Variants in FRMPD4 observed in about 807,000 individuals in gnomAD.
FRMPD4 encodes FERM and PDZ domain containing 4.
In FRMPD4, 22 loss-of-function variants were observed where a neutral mutation model predicts 94.1. That is an observed-to-expected ratio of 0.23 (90% CI 0.17 to 0.33). FRMPD4 has a LOEUF of 0.33. Among genes scored for constraint, FRMPD4 ranks in the 10% least tolerant of loss-of-function variants. The pLI is 1.00. For synonymous variants in FRMPD4, 631 were observed against 548.6 expected, an observed-to-expected ratio of 1.15 and a Z score of -2.10; for missense variants, 1,111 against 1,339.9, an observed-to-expected ratio of 0.83 and a Z score of 2.67.
Position 12,710,465 on chromosome X carries a change from C to T in FRMPD4, c.1537C>T (p.Arg513Trp), listed in dbSNP as rs1602359193. The T allele has an allele frequency of 1.7e-6, 2 of 1,201,505 alleles. No individual in the cohort carries two copies. Among genetic ancestry groups the T allele is most frequent in the Non-Finnish European group, 2.3e-6 (2 of 886,582 alleles). The change falls in exon 14 of 17, where the codon CGG (arginine) becomes TGG (tryptophan). Residue 513 changes from arginine (R) to tryptophan (W), a missense_variant. Coordinates refer to ENST00000675598, the MANE Select transcript of FRMPD4 (RefSeq NM_001368397.1). ...NLACLTAGYY[R>W]LLVDSRRSIF... Reference sequence around the variant, plus strand: ...GGCCTGCTTGACGGCTGGATACTACCGGCTGCTTGTTGATTCCAGGAGGTC... The same window carrying T: ...GGCCTGCTTGACGGCTGGATACTACTGGCTGCTTGTTGATTCCAGGAGGTC...
intron 4 of FRMPD4, among the ~76,000 whole-genome samples, chrX:12,642,172 G>C (rs999996817): frequency 9.0e-6 from 1 of 111,701 alleles, no homozygotes; most frequent in Admixed American, 9.6e-5. Context: ...AATGGACCTG[G>C]TCCCTTCCCT....
At chrX:12,632,091 T>C (rs1267324998) in intron 4 of FRMPD4, among the ~76,000 whole-genome samples, 1 of 112,006 alleles carries the variant, frequency 8.9e-6, no homozygotes, top group Non-Finnish European at 1.9e-5. Flanking sequence ...ATGATTTACA[T>C]GTGAACTTGC....
At chrX:12,461,536 A>G (rs1413521229) in intron 1 of FRMPD4, among the ~76,000 whole-genome samples, 1 of 111,932 alleles carries the variant, frequency 8.9e-6, no homozygotes, top group Non-Finnish European at 1.9e-5. Flanking sequence ...ATTCCCTTAA[A>G]TAGCTTTAAA....
chrX:12,483,549 G>A (rs1325227028), intron 1 of FRMPD4, among the ~76,000 whole-genome samples: 1 of 111,972 alleles, frequency 8.9e-6, no homozygotes, highest in African/African-American at 3.2e-5. Flanking sequence ...TGCTAGAATG[G>A]CATTTGGATA....
intron 3 of FRMPD4, among the ~76,000 whole-genome samples, chrX:12,091,264 A>G: frequency 9.0e-6 from 1 of 111,568 alleles, no homozygotes. Flanking sequence ...ATTTTAAAAA[A>G]AAGCAGTCTG....
At chrX:12,186,795 G>T (rs5979535) in intron 1 of FRMPD4, among the ~76,000 whole-genome samples, 1 of 111,673 alleles carries the variant, frequency 9.0e-6, no homozygotes, top group African/African-American at 3.3e-5. Flanking sequence ...CTTTCTGTGG[G>T]TTCCCCTTTG....
chrX:11,908,771 T>C lies in FRMPD4; in HGVS notation c.95+30753T>C, dbSNP rs1453402381. Among the ~76,000 whole-genome samples the C allele has an allele frequency of 7.1e-5, 8 of 112,131 alleles. No individual in the cohort carries two copies. In the East Asian group the frequency reaches 2.2e-3, roughly 31 times the overall value. On this transcript the variant is annotated intron_variant, in intron 3 of 18. Transcript: ENST00000640291. Reference sequence around the variant, plus strand: ...TTGTTGTCAGCCTTTCATCTATTTTTAGGCCCTTGAAATGATTATTGTTAG... The same window carrying C: ...TTGTTGTCAGCCTTTCATCTATTTTCAGGCCCTTGAAATGATTATTGTTAG...
intron 2 of FRMPD4, among the ~76,000 whole-genome samples, chrX:12,553,027 G>A (rs1170385445): frequency 9.0e-6 from 1 of 111,253 alleles, no homozygotes; most frequent in Non-Finnish European, 1.9e-5. Flanking sequence ...GTGGTGGCAT[G>A]AGCCTGTAAT....
intron 3 of FRMPD4, among the ~76,000 whole-genome samples, chrX:12,012,617 A>AAT (rs1322265078): frequency 8.9e-6 from 1 of 112,196 alleles, no homozygotes; most frequent in African/African-American, 3.2e-5. Flanking sequence ...AAGGCCAGAC[A>AAT]ATAGTAAATG....
At chrX:12,262,422 A>G (rs1350472469) in intron 1 of FRMPD4, among the ~76,000 whole-genome samples, 1 of 111,309 alleles carries the variant, frequency 9.0e-6, no homozygotes, top group African/African-American at 3.3e-5. Context: ...CTATACAGAT[A>G]AAGTTTGCCA....
At chrX:11,963,294 A>T (rs1169993661) in intron 3 of FRMPD4, among the ~76,000 whole-genome samples, 1 of 112,409 alleles carries the variant, frequency 8.9e-6, no homozygotes, top group Non-Finnish European at 1.9e-5. Flanking sequence ...GCTCCAACCG[A>T]TGTCTGCTGC....
At chrX:12,436,942 C>A (rs1453253013) in intron 1 of FRMPD4, among the ~76,000 whole-genome samples, 5 of 111,634 alleles carry the variant, frequency 4.5e-5, no homozygotes, top group Admixed American at 2.9e-4. Context: ...TGTCCTAATA[C>A]CTAGATGATT....
chrX:12,346,716 A>G (rs907266553), intron 1 of FRMPD4, among the ~76,000 whole-genome samples: 1 of 111,154 alleles, frequency 9.0e-6, no homozygotes, highest in Non-Finnish European at 1.9e-5. Context: ...TTGCCCCTCT[A>G]TTTGTTGAGG....
chrX:12,526,152 T>G (rs1450879405), intron 2 of FRMPD4, among the ~76,000 whole-genome samples: 1 of 112,180 alleles, frequency 8.9e-6, no homozygotes, highest in Non-Finnish European at 1.9e-5. Flanking sequence ...CAGCACTGAT[T>G]AGCGGTTCCC....
rs892000486 is a variant in FRMPD4 at position 12,314,236 on chromosome X, A to G, written c.41+175224A>G. Among the ~76,000 whole-genome samples the G allele has an allele frequency of 1.8e-4, 20 of 112,630 alleles. 1 individual carries two copies. The highest frequency in any genetic ancestry group is 1.6e-3 in the Admixed American group (17 of 10,639). ...CGTTCAGAGTGAAGAGAGAGGAAAC[A>G]ACTGAGTCAGTTTCACTACAGGTAA... On this transcript the variant is annotated intron_variant, in intron 1 of 16. Transcript: ENST00000675598.
At position 12,716,367 on chromosome X, in the gene FRMPD4, A is replaced by C; in HGVS notation, c.1908A>C (p.Pro636=). ...GGTCCCTATTGACCCTCTCAGGACC[A>C]GAAACTCTGAAGAAAGCACAGGAAT... ...AQRSLLTLSG[P]ETLKKAQESP... is the part of the protein sequence containing the mutation. The change falls in exon 15 of 17, where the codon CCA becomes CCC. Residue 636 remains proline (P), a synonymous_variant. Coordinates refer to ENST00000675598, the MANE Select transcript of FRMPD4 (RefSeq NM_001368397.1). 1 of 1,211,944 alleles carries C rather than the reference A, an allele frequency of 8.3e-7. No individual in the cohort carries two copies. Among genetic ancestry groups the C allele is most frequent in the Non-Finnish European group, 1.1e-6 (1 of 895,387 alleles).
chrX:12,610,625 G>A (rs759806908), intron 3 of FRMPD4, among the ~76,000 whole-genome samples: 5 of 111,205 alleles, frequency 4.5e-5, no homozygotes, highest in Non-Finnish European at 7.5e-5. Context: ...GCGCTTGCCT[G>A]AAGTCCCAGC....
intron 3 of FRMPD4, among the ~76,000 whole-genome samples, chrX:11,976,764 A>G (rs1298951698): frequency 8.9e-6 from 1 of 112,076 alleles, no homozygotes; most frequent in East Asian, 2.8e-4. Context: ...TGGCTAGCCA[A>G]TTTAAGAGAT....
rs186693898 is a variant in FRMPD4, at chrX:12,632,244, C to A, written c.422+17363C>A. ...GGAGAGACAAGATCATGGCTTTACA[C>A]CAGGGATTTCCCAACTTGAACCTGT... is the stretch of plus-strand genomic sequence containing the variant. On this transcript the variant is annotated intron_variant, in intron 4 of 16. Coordinates refer to ENST00000675598, the MANE Select transcript of FRMPD4 (RefSeq NM_001368397.1). Among the ~76,000 whole-genome samples, 7 of 111,546 alleles carry A rather than the reference C, an allele frequency of 6.3e-5. No homozygotes were observed. In the East Asian group the frequency reaches 2.0e-3, roughly 32 times the overall value.
Sources: gnomAD v4.1 joint callset for allele counts (sites outside exome capture counted in the v4.1 genomes callset) on GRCh38, gnomAD v4.1.1 for gene constraint, MANE v1.5 for transcripts, NCBI Gene and HGNC (gene_info 2026-07-23, HGNC 2026-07-21) for gene names.